The following PITPNB variants were observed in gnomAD, a reference collection of about 807,000 sequenced individuals.
PITPNB encodes phosphatidylinositol transfer protein beta.
In PITPNB, 16 loss-of-function variants were observed where a neutral mutation model predicts 45.9. The observed-to-expected ratio is 0.35, with a 90% CI of 0.24 to 0.53. The LOEUF is 0.53. Among genes scored for constraint, PITPNB ranks in the 20% least tolerant of loss-of-function variants. PITPNB has a pLI of 0.93. For synonymous variants in PITPNB, 112 were observed against 108.9 expected, an observed-to-expected ratio of 1.03 and a Z score of -0.18; for missense variants, 188 against 330.5, an observed-to-expected ratio of 0.57 and a Z score of 3.34.
At chr22:27,864,932 C>CA (rs979161480) in intron 8 of PITPNB, among the ~76,000 whole-genome samples, 69 of 118,750 alleles carry the variant, frequency 5.8e-4, no homozygotes, top group East Asian at 2.7e-3. Flanking sequence ...CAGCAAAACT[C>CA]AAAAAAAAAC....
rs1934233234 is a variant in PITPNB, at chr22:27,858,439, G to A, written c.716C>T (p.Thr239Met). The A allele has an allele frequency of 1.2e-6, 2 of 1,608,350 alleles. No homozygotes were observed. Among genetic ancestry groups the A allele is most frequent in the South Asian group, 1.1e-5 (1 of 90,760 alleles). The change falls in exon 10 of 12, where the codon ACG becomes ATG. Residue 239 changes from threonine (T) to methionine (M), a missense_variant. Thr to Met is a moderately conservative substitution (Grantham distance 81). Coordinates refer to ENST00000335272, the MANE Select transcript of PITPNB (RefSeq NM_012399.5). The part of the protein sequence containing the change: ...FCWIDKWIDL[T>M]MEDIRRMEDE... ...TTCCATTCTCCTAATGTCTTCCATCGTGAGATCGATCCACTTGTCAATCCA... is the reference window on the plus strand; with the variant it reads ...TTCCATTCTCCTAATGTCTTCCATCATGAGATCGATCCACTTGTCAATCCA...
intron 1 of PITPNB, among the ~76,000 whole-genome samples, chr22:27,918,059 T>C (rs1369377873): frequency 2.0e-5 from 3 of 152,040 alleles, no homozygotes; most frequent in Non-Finnish European, 4.4e-5. Flanking sequence ...CAAGGAAGCT[T>C]GCGAAGATGG....
At chr22:27,888,928 GA>G (rs1935197860) in intron 7 of PITPNB, among the ~76,000 whole-genome samples, 2 of 152,224 alleles carry the variant, frequency 1.3e-5, no homozygotes, top group South Asian at 4.1e-4. Context: ...AGCTAGGGAA[GA>G]ATCAGTCAGT....
intron 3 of PITPNB, among the ~76,000 whole-genome samples, chr22:27,902,934 T>TAC (rs1345768273): frequency 2.6e-5 from 4 of 152,170 alleles, no homozygotes; most frequent in African/African-American, 9.7e-5. Flanking sequence ...TTTTGCTATA[T>TAC]TGCCCGGGCT....
Position 27,911,129 on chromosome 22 carries a change from A to G in PITPNB, c.52-20T>C. ...CTGATACTGAAATTTCAAAGAATAC[A>G]GAAACTGAGTAAGTCAGTAGTAACT... On this transcript the variant is annotated intron_variant, in intron 2 of 11. Transcript: ENST00000335272. 3 of 1,602,550 alleles carry G rather than the reference A, an allele frequency of 1.9e-6. No individual in the cohort carries two copies. In the South Asian group the frequency reaches 3.3e-5, roughly 18 times the overall value.
rs5762394 is a variant in PITPNB, at chr22:27,885,136, T to C, written c.456+9419A>G. Among the ~76,000 whole-genome samples the C allele has an allele frequency of 3.4e-3, 496 of 146,758 alleles. 15 individuals are homozygous for C. In the East Asian group the frequency reaches 0.064, roughly 19 times the overall value. ...GTCTTCCTCTCCCGGGAAGTGACTTTTGTATATAAATCATGGAAAGCTACT... is the reference window on the plus strand; with the variant it reads ...GTCTTCCTCTCCCGGGAAGTGACTTCTGTATATAAATCATGGAAAGCTACT... On this transcript the variant is annotated intron_variant, in intron 7 of 11. Coordinates refer to ENST00000335272, the MANE Select transcript of PITPNB (RefSeq NM_012399.5).
chr22:27,853,830 C>T (rs1934094893), intron 11 of PITPNB, among the ~76,000 whole-genome samples, 167 bp from the exon 12 acceptor site: 1 of 152,094 alleles, frequency 6.6e-6, no homozygotes, highest in African/African-American at 2.4e-5. Flanking sequence ...TTTGGTCTTA[C>T]TACTAATGCC....
At chr22:27,884,220 G>T (rs544682635) in intron 7 of PITPNB, among the ~76,000 whole-genome samples, 27 of 152,214 alleles carry the variant, frequency 1.8e-4, no homozygotes, top group South Asian at 6.2e-4. Context: ...ATTACCCCCT[G>T]GGGGGGACAT....
chr22:27,881,751 GAGAGA>G (rs141809091), intron 7 of PITPNB, among the ~76,000 whole-genome samples: 5,530 of 151,584 alleles, frequency 0.036, 148 homozygotes, highest in African/African-American at 0.07. Flanking sequence ...AAAGCTGTGA[GAGAGA>G]ACCAAAAGGA....
intron 3 of PITPNB, among the ~76,000 whole-genome samples, chr22:27,901,799 G>A (rs1935602494): frequency 1.3e-5 from 2 of 152,054 alleles, no homozygotes; most frequent in South Asian, 2.1e-4. Context: ...CAGGAGAGTC[G>A]CTTGACTCAG....
rs550162179 is a variant in PITPNB, at chr22:27,873,633, C to G, written c.534+105G>C. ...TATCGCAAATAAAACTATTTTTGTG[C>G]CATTTCTATTTTTCACTTAAACGTC... On this transcript the variant is annotated intron_variant, in intron 8 of 11. Coordinates refer to ENST00000335272, the MANE Select transcript of PITPNB (RefSeq NM_012399.5). 14 of 710,790 alleles carry G rather than the reference C, an allele frequency of 2.0e-5. No individual in the cohort carries two copies. In the East Asian group the frequency reaches 3.4e-4, roughly 17 times the overall value. The allele number at this position is 710,790 out of a possible 1,614,324, so 44.0% of individuals were successfully genotyped here. A position where few individuals can be genotyped will look rare whatever the true frequency, so the allele number is the denominator to read the frequency against.
intron 8 of PITPNB, among the ~76,000 whole-genome samples, chr22:27,869,847 C>T (rs1362465676): frequency 6.6e-6 from 1 of 152,180 alleles, no homozygotes; most frequent in Non-Finnish European, 1.5e-5. Flanking sequence ...GAAATCAAGG[C>T]TCAGAGTGAG....
At chr22:27,899,335 T>C (rs368982790) in intron 3 of PITPNB, among the ~76,000 whole-genome samples, 3 of 152,348 alleles carry the variant, frequency 2.0e-5, no homozygotes, top group East Asian at 1.9e-4. Context: ...ATTTCTTTTT[T>C]CTTTTTTGAG....
intron 3 of PITPNB, among the ~76,000 whole-genome samples, chr22:27,908,809 G>A (rs530621307): frequency 8.5e-5 from 13 of 152,230 alleles, no homozygotes; most frequent in African/African-American, 3.1e-4. Context: ...ACCATGAAAA[G>A]ACCTTCCTTA....
chr22:27,858,359 A>T, intron 10 of PITPNB, 28 bp downstream of exon 10: 1 of 1,565,712 alleles, frequency 6.4e-7, no homozygotes, highest in Non-Finnish European at 8.7e-7. Flanking sequence ...GGAAAATTAG[A>T]GAATTGCCAT....
At chr22:27,905,651 TTC>T (rs1416172020) in intron 3 of PITPNB, among the ~76,000 whole-genome samples, 3 of 152,218 alleles carry the variant, frequency 2.0e-5, no homozygotes, top group African/African-American at 7.2e-5. Context: ...TAAAAACCTC[TTC>T]TGTTTCGACC....
intron 7 of PITPNB, among the ~76,000 whole-genome samples, chr22:27,880,015 T>C (rs963497902): frequency 6.6e-6 from 1 of 152,158 alleles, no homozygotes; most frequent in African/African-American, 2.4e-5. Context: ...ATAAGCAACA[T>C]CATTCCTGCT....
intron 7 of PITPNB, among the ~76,000 whole-genome samples, chr22:27,877,672 G>GA (rs1934857774): frequency 6.6e-6 from 1 of 152,160 alleles, no homozygotes; most frequent in African/African-American, 2.4e-5. Context: ...CCCCAAAAAT[G>GA]AAAGTACAAA....
chr22:27,897,686 C>G, intron 4 of PITPNB, 115 bp downstream of exon 4: 1 of 736,710 alleles, frequency 1.4e-6, no homozygotes, highest in East Asian at 2.5e-5. Context: ...CAGTGACTAT[C>G]CAAGAACCCA....
Sources: gnomAD v4.1 joint callset for allele counts (sites outside exome capture counted in the v4.1 genomes callset) on GRCh38, gnomAD v4.1.1 for gene constraint, MANE v1.5 for transcripts, NCBI Gene and HGNC (gene_info 2026-07-23, HGNC 2026-07-21) for gene names.